The following ANAPC1 variants were observed in gnomAD, a reference collection of about 807,000 sequenced individuals.
The protein encoded by ANAPC1 is anaphase-promoting complex subunit 1.
A neutral mutation model predicts 208.0 loss-of-function variants in ANAPC1; 36 were observed. The ratio of observed to expected loss-of-function variants is 0.17; its 90% CI spans 0.13 to 0.23. ANAPC1 has a LOEUF of 0.23. ANAPC1 is among the 10% of genes least tolerant of loss of function. The pLI, the probability that ANAPC1 is intolerant of heterozygous loss-of-function variation, is 1.00. For missense variants in ANAPC1, 942 were observed against 2,011.6 expected (o/e 0.47, Z 10.17); for synonymous variants, 378 against 695.2 (o/e 0.54, Z 7.18).
chr2:111,854,861 T>C (rs1681613235), intron 13 of ANAPC1, among the ~76,000 whole-genome samples: 1 of 152,202 alleles, frequency 6.6e-6, no homozygotes. Context: ...GATAAGGCTG[T>C]TTCGCTTTAT....
At chr2:111,796,329 T>C (rs1678164961) in intron 34 of ANAPC1, among the ~76,000 whole-genome samples, 1 of 149,112 alleles carries the variant, frequency 6.7e-6, no homozygotes. Flanking sequence ...TAAAATATCT[T>C]TCCTCTTTTT....
intron 10 of ANAPC1, among the ~76,000 whole-genome samples, chr2:111,859,428 G>A (rs1461745067): frequency 1.3e-5 from 2 of 151,924 alleles, no homozygotes; most frequent in East Asian, 1.9e-4. Context: ...CCAAGATCAC[G>A]CCATTGCACT....
At chr2:111,830,278 T>C (rs78925681) in intron 21 of ANAPC1, among the ~76,000 whole-genome samples, 3,300 of 152,108 alleles carry the variant, frequency 0.022, 109 homozygotes, top group African/African-American at 0.074. Context: ...GCAAATGCAA[T>C]AGAGAAAGGA....
At chr2:111,842,426 G>A (rs535291355) in intron 17 of ANAPC1, among the ~76,000 whole-genome samples, 2 of 152,258 alleles carry the variant, frequency 1.3e-5, no homozygotes, top group South Asian at 4.2e-4. Flanking sequence ...GGCAGATCAT[G>A]AGGTCAGGAG....
intron 28 of ANAPC1, among the ~76,000 whole-genome samples, chr2:111,812,810 A>G: frequency 1.0e-5 from 1 of 97,288 alleles, no homozygotes; most frequent in Non-Finnish European, 2.1e-5. Context: ...AGGAACGAGA[A>G]AAAGGCAGAG....
chr2:111,816,032 TCTGATGACA>T (rs1343564892), intron 27 of ANAPC1, among the ~76,000 whole-genome samples: 1 of 152,124 alleles, frequency 6.6e-6, no homozygotes, highest in Non-Finnish European at 1.5e-5. Context: ...AATCCCAACA[TCTGATGACA>T]CTGATGTTAA....
intron 25 of ANAPC1, among the ~76,000 whole-genome samples, chr2:111,821,915 G>A (rs927290494): frequency 6.6e-6 from 1 of 151,220 alleles, no homozygotes; most frequent in African/African-American, 2.4e-5. Context: ...CAACTCTACT[G>A]AAAAAAACAC....
At position 111,868,108 on chromosome 2, in the gene ANAPC1, C is replaced by G; in HGVS notation, c.612-12G>C. On this transcript the variant is annotated splice_polypyrimidine_tract_variant and intron_variant, in intron 6 of 47. Coordinates refer to ENST00000341068, the MANE Select transcript of ANAPC1 (RefSeq NM_022662.4). Reference sequence around the variant, plus strand: ...TAGGTAAAGGTTCTCTAGCAATAAACAAATAATCAATTAATTACCAATACG... The same window carrying G: ...TAGGTAAAGGTTCTCTAGCAATAAAGAAATAATCAATTAATTACCAATACG... 6.4e-7 allele frequency: 1 copy of G among 1,563,502 alleles called. No homozygotes were observed. The highest frequency in any genetic ancestry group is 8.7e-7 in the Non-Finnish European group (1 of 1,152,652).
rs1170356011 is a variant in ANAPC1, at chr2:111,828,550, A to G, written c.2626-2695T>C. 2.6e-5 allele frequency among the ~76,000 whole-genome samples: 4 copies of G among 152,370 alleles called. No individual in the cohort carries two copies. In the East Asian group the frequency reaches 5.8e-4, roughly 22 times the overall value. Reference sequence around the variant, plus strand: ...AAAGGTGGAAACAACCCAAATGTCCATCATCAGGTGAAATGATAAATTGTG... The same window carrying G: ...AAAGGTGGAAACAACCCAAATGTCCGTCATCAGGTGAAATGATAAATTGTG... On this transcript the variant is annotated intron_variant, in intron 21 of 47. Coordinates refer to ENST00000341068, the MANE Select transcript of ANAPC1 (RefSeq NM_022662.4).
intron 7 of ANAPC1, among the ~76,000 whole-genome samples, chr2:111,867,239 G>A (rs543146149): frequency 1.2e-4 from 18 of 151,876 alleles, no homozygotes; most frequent in African/African-American, 3.6e-4. Flanking sequence ...GCAGTGAGCC[G>A]AGATCGCACC....
At chr2:111,842,099 C>T (rs1294735053) in intron 17 of ANAPC1, among the ~76,000 whole-genome samples, 3 of 152,010 alleles carry the variant, frequency 2.0e-5, no homozygotes, top group East Asian at 3.8e-4. Context: ...ATTACAATAA[C>T]GAAAACAACA....
chr2:111,871,401 T>G (rs1335995136), intron 6 of ANAPC1, among the ~76,000 whole-genome samples: 2 of 152,152 alleles, frequency 1.3e-5, no homozygotes, highest in African/African-American at 4.8e-5. Flanking sequence ...TTCACCTCCT[T>G]GGTTAAGCAT....
chr2:111,778,005 A>G (rs1338338694), intron 45 of ANAPC1, among the ~76,000 whole-genome samples: 1 of 152,298 alleles, frequency 6.6e-6, no homozygotes, highest in Non-Finnish European at 1.5e-5. Flanking sequence ...TAAGATACCA[A>G]GGCAAATTTC....
At chr2:111,771,783 A>C (rs532173201) in intron 47 of ANAPC1, among the ~76,000 whole-genome samples, 1 of 151,676 alleles carries the variant, frequency 6.6e-6, no homozygotes, top group Non-Finnish European at 1.5e-5. Context: ...ATCAAAAAAT[A>C]TTTTTTTTGA....
At chr2:111,883,877 G>C (rs1350647819) in intron 1 of ANAPC1, 65 bp downstream of exon 1, 5 of 152,356 alleles carry the variant, frequency 3.3e-5, no homozygotes, top group East Asian at 1.9e-4. Flanking sequence ...GCTCGGCCTC[G>C]GGACGGGTGC....
Position 111,868,080 on chromosome 2 carries a change from T to C in ANAPC1, c.628A>G (p.Met210Val), listed in dbSNP as rs372091222. The C allele has an allele frequency of 3.1e-6, 5 of 1,594,790 alleles. No individual in the cohort carries two copies. The highest frequency in any genetic ancestry group is 3.4e-6 in the Non-Finnish European group (4 of 1,171,130). The part of the protein sequence containing the change: ...PGSPREPLPT[M>V]FSMLHPLDEI... ...TCTAGTGGGTGCAGCATGCTGAACA[T>C]AGTAGGTAAAGGTTCTCTAGCAATA... The change falls in exon 7 of 48, where the codon ATG (methionine) becomes GTG (valine). Residue 210 changes from methionine (M) to valine (V), a missense_variant. Met to Val is a conservative substitution (Grantham distance 21). Coordinates refer to ENST00000341068, the MANE Select transcript of ANAPC1 (RefSeq NM_022662.4).
intron 38 of ANAPC1, among the ~76,000 whole-genome samples, chr2:111,790,531 T>C (rs1429404632): frequency 3.3e-5 from 5 of 152,082 alleles, no homozygotes; most frequent in South Asian, 2.1e-4. Context: ...AACTTTTCAA[T>C]AGCAGCGGGA....
rs1383248248 is a variant in ANAPC1, at chr2:111,852,167, G to GA, written c.1516-1258dup. Among the ~76,000 whole-genome samples the GA allele has an allele frequency of 5.3e-3, 771 of 145,944 alleles. 7 individuals carry two copies. Among genetic ancestry groups the GA allele is most frequent in the African/African-American group, 0.019 (737 of 39,730 alleles). The stretch of plus-strand genomic sequence containing the variant: ...CTATTCCCTCATTAATCACCAAAAA[G>GA]AAAAAAAAACTGAATAAAATTTATA... On this transcript the variant is annotated intron_variant, in intron 13 of 47. Coordinates refer to ENST00000341068, the MANE Select transcript of ANAPC1 (RefSeq NM_022662.4).
chr2:111,844,234 G>A (rs563455374), intron 16 of ANAPC1, among the ~76,000 whole-genome samples: 4 of 151,976 alleles, frequency 2.6e-5, no homozygotes, highest in South Asian at 2.1e-4. Flanking sequence ...CTAACTGCTC[G>A]CCTTCACTCT....
Sources: gnomAD v4.1 joint callset for allele counts (sites outside exome capture counted in the v4.1 genomes callset) on GRCh38, gnomAD v4.1.1 for gene constraint, MANE v1.5 for transcripts, NCBI Gene and HGNC (gene_info 2026-07-23, HGNC 2026-07-21) for gene names.